MAP4K4: variants seen among roughly 807,000 people sequenced by gnomAD.
MAP4K4 encodes HPK/GCK-like kinase HGK.
In MAP4K4, 38 loss-of-function variants were observed where a neutral mutation model predicts 189.6. The ratio of observed to expected loss-of-function variants is 0.20; its 90% CI spans 0.15 to 0.26. The LOEUF is 0.26. MAP4K4 is among the 10% of genes least tolerant of loss of function. The pLI, the probability that MAP4K4 is intolerant of heterozygous loss-of-function variation, is 1.00. For missense variants in MAP4K4, 1,054 were observed against 1,726.9 expected (o/e 0.61, Z 6.91); for synonymous variants, 610 against 624.3 (o/e 0.98, Z 0.34).
At chr2:101,871,739 A>G in intron 24 of MAP4K4, 54 bp downstream of exon 24, 1 of 1,483,196 alleles carries the variant, frequency 6.7e-7, no homozygotes, top group Non-Finnish European at 9.0e-7. Flanking sequence ...AGCACTGCCT[A>G]GGAGTTAGTT....
intron 31 of MAP4K4, 64 bp downstream of exon 31, chr2:101,888,001 T>C: frequency 7.1e-7 from 1 of 1,414,502 alleles, no homozygotes; most frequent in African/African-American, 1.4e-5. Flanking sequence ...ACTCCATTTA[T>C]TTATCATGCT....
intron 29 of MAP4K4, among the ~76,000 whole-genome samples, chr2:101,885,570 A>T (rs1247512230): frequency 6.6e-6 from 1 of 152,224 alleles, no homozygotes; most frequent in Non-Finnish European, 1.5e-5. Context: ...TCCACCCTTC[A>T]GTTAAAAAGG....
At chr2:101,760,505 T>A (rs1247557501) in intron 2 of MAP4K4, among the ~76,000 whole-genome samples, 10 of 16,376 alleles carry the variant, frequency 6.1e-4, no homozygotes, top group East Asian at 2.6e-3. Flanking sequence ...AAAAACAAAA[T>A]ATATATATAT....
At chr2:101,893,377 A>G (rs2098595431) in exon 33 of MAP4K4, 2 of 377,228 alleles carry the variant, frequency 5.3e-6, no homozygotes, top group East Asian at 7.3e-5. Context: ...TAGTTAACCT[A>G]GAGAAGGTTG....
At chr2:101,714,526 A>T (rs138198508) in intron 2 of MAP4K4, among the ~76,000 whole-genome samples, 7 of 152,362 alleles carry the variant, frequency 4.6e-5, no homozygotes, top group Admixed American at 1.3e-4. Flanking sequence ...ACTAATCATA[A>T]TAATTTTACT....
intron 22 of MAP4K4, 102 bp downstream of exon 22, chr2:101,869,899 A>T (rs2097930785): frequency 1.4e-6 from 2 of 1,409,596 alleles, no homozygotes; most frequent in African/African-American, 1.5e-5. Flanking sequence ...CCCCATGAGC[A>T]CTTACTATGT....
chr2:101,714,707 C>T (rs1289989922), intron 2 of MAP4K4, among the ~76,000 whole-genome samples: 2 of 152,118 alleles, frequency 1.3e-5, no homozygotes, highest in African/African-American at 4.8e-5. Context: ...GATAATTTCC[C>T]TATAAACTCT....
chr2:101,746,139 A>G (rs1009095977), intron 2 of MAP4K4, among the ~76,000 whole-genome samples: 1 of 151,902 alleles, frequency 6.6e-6, no homozygotes, highest in African/African-American at 2.4e-5. Flanking sequence ...GCAGGTGCAT[A>G]CCACCACACC....
intron 7 of MAP4K4, among the ~76,000 whole-genome samples, chr2:101,833,342 C>T (rs915807274): frequency 6.6e-6 from 1 of 152,042 alleles, no homozygotes; most frequent in Non-Finnish European, 1.5e-5. Context: ...ATCTGATGGC[C>T]GGGCATGGTG....
At chr2:101,880,296 A>G (rs2098346472) in intron 27 of MAP4K4, among the ~76,000 whole-genome samples, 2 of 152,152 alleles carry the variant, frequency 1.3e-5, no homozygotes, top group South Asian at 4.1e-4. Flanking sequence ...TTCTTCTGTT[A>G]CCTTCTAGAA....
chr2:101,760,168 T>A (rs916526188), intron 2 of MAP4K4, among the ~76,000 whole-genome samples: 45 of 151,940 alleles, frequency 3.0e-4, no homozygotes, highest in African/African-American at 1.1e-3. Context: ...TCTTTTTTTT[T>A]AGATTTAGAC....
chr2:101,739,519 A>G (rs1276453111), intron 2 of MAP4K4, among the ~76,000 whole-genome samples: 2 of 152,170 alleles, frequency 1.3e-5, no homozygotes, highest in Admixed American at 1.3e-4. Flanking sequence ...TTGTAATTTA[A>G]GTTCTCTGGA....
chr2:101,734,923 G>A (rs2059785789), intron 2 of MAP4K4, among the ~76,000 whole-genome samples: 1 of 152,128 alleles, frequency 6.6e-6, no homozygotes. Context: ...ACAGAATATT[G>A]CAGAGGCTAG....
chr2:101,789,598 C>T (rs534984212), intron 2 of MAP4K4, among the ~76,000 whole-genome samples: 11 of 152,312 alleles, frequency 7.2e-5, no homozygotes, highest in Non-Finnish European at 1.5e-5. Context: ...ACAGACTCTC[C>T]TCAGATTTAA....
intron 2 of MAP4K4, among the ~76,000 whole-genome samples, chr2:101,779,809 C>CTTT (rs34853403): frequency 7.0e-6 from 1 of 143,732 alleles, no homozygotes; most frequent in Non-Finnish European, 1.5e-5. Flanking sequence ...TTTCACCTCT[C>CTTT]TTTTTTTTTT....
chr2:101,734,784 C>T (rs1313197467), intron 2 of MAP4K4, among the ~76,000 whole-genome samples: 3 of 152,100 alleles, frequency 2.0e-5, no homozygotes, highest in Admixed American at 2.0e-4. Context: ...TGCTCTTGGC[C>T]TGCTGTTCAG....
At chr2:101,846,222 C>G (rs2097105186) in intron 12 of MAP4K4, among the ~76,000 whole-genome samples, 1 of 152,184 alleles carries the variant, frequency 6.6e-6, no homozygotes, top group South Asian at 2.1e-4. Flanking sequence ...TTTCAGTGTT[C>G]TTTGAACGTA....
intron 3 of MAP4K4, among the ~76,000 whole-genome samples, chr2:101,802,331 A>C (rs1040153575): frequency 7.2e-5 from 11 of 152,164 alleles, no homozygotes; most frequent in African/African-American, 2.2e-4. Flanking sequence ...CAGCTGACTG[A>C]AGCTTGGGAA....
intron 32 of MAP4K4, among the ~76,000 whole-genome samples, chr2:101,889,888 T>G (rs549736670): frequency 6.6e-6 from 1 of 152,272 alleles, no homozygotes; most frequent in Admixed American, 6.5e-5. Context: ...TCACTTCACC[T>G]CTACCCACTG....
Sources: allele counts gnomAD v4.1 joint callset (sites outside exome capture counted in the v4.1 genomes callset), GRCh38; gene constraint gnomAD v4.1.1; transcripts MANE v1.5; gene names NCBI Gene and HGNC (gene_info 2026-07-23, HGNC 2026-07-21).